Variants in CTNNA2 observed in about 807,000 individuals in gnomAD.
CTNNA2 encodes the protein catenin alpha-2.
A neutral mutation model predicts 101.0 loss-of-function variants in CTNNA2; 42 were observed. The observed-to-expected ratio is 0.42, with a 90% CI of 0.32 to 0.54. The LOEUF (loss-of-function observed/expected upper bound fraction) is 0.54, where lower values mean the gene tolerates loss of function less well. CTNNA2 is among the 20% of genes least tolerant of loss of function. The pLI is 0.14. For synonymous variants in CTNNA2, 450 were observed against 456.4 expected, an observed-to-expected ratio of 0.99 and a Z score of 0.18; for missense variants, 871 against 1,223.1, an observed-to-expected ratio of 0.71 and a Z score of 4.29.
At chr2:79,548,772 T>C (rs1355386474) in intron 1 of CTNNA2, among the ~76,000 whole-genome samples, 1 of 152,204 alleles carries the variant, frequency 6.6e-6, no homozygotes, top group African/African-American at 2.4e-5. Context: ...GTTCTGTGAA[T>C]GCAACACTCT....
rs1417316936 is a variant in CTNNA2 at position 80,387,298 on chromosome 2, A to AG, written c.1057-5912dup. On this transcript the variant is annotated intron_variant, in intron 7 of 18. Transcript: ENST00000402739. ...AGCAAGACTTTGTCTCAAAAAAAAA[A>AG]GAAATACTCATTTTCAGAGATTTAT... 7.2e-5 allele frequency among the ~76,000 whole-genome samples: 11 copies of AG among 152,232 alleles called. No homozygotes were observed. In the East Asian group the frequency reaches 1.4e-3, roughly 19 times the overall value.
At chr2:80,513,933 CA>C (rs1049664759) in intron 9 of CTNNA2, among the ~76,000 whole-genome samples, 6 of 152,094 alleles carry the variant, frequency 3.9e-5, no homozygotes, top group Admixed American at 3.9e-4. Flanking sequence ...ACTTTTCTAC[CA>C]TACAAAGTCT....
At chr2:80,116,668 A>G in intron 7 of CTNNA2, among the ~76,000 whole-genome samples, 1 of 152,168 alleles carries the variant, frequency 6.6e-6, no homozygotes, top group Non-Finnish European at 1.5e-5. Flanking sequence ...GTGTTTAGAT[A>G]TTTTAGGATG....
At chr2:79,732,347 A>G (rs934992626) in intron 2 of CTNNA2, among the ~76,000 whole-genome samples, 25 of 152,080 alleles carry the variant, frequency 1.6e-4, no homozygotes, top group South Asian at 2.1e-4. Context: ...AAATTTTTTC[A>G]TATAAAAAAT....
At chr2:80,568,396 C>T (rs1280247359) in intron 12 of CTNNA2, among the ~76,000 whole-genome samples, 1 of 152,192 alleles carries the variant, frequency 6.6e-6, no homozygotes, top group Admixed American at 6.5e-5. Flanking sequence ...TCTTATCCTT[C>T]TCTACCCAAC....
chr2:80,243,911 A>G (rs1034282050), intron 7 of CTNNA2, among the ~76,000 whole-genome samples: 1 of 152,210 alleles, frequency 6.6e-6, no homozygotes, highest in Non-Finnish European at 1.5e-5. Context: ...TGAGAGTCCC[A>G]ATTCCTCCAC....
chr2:80,524,159 A>T (rs1007533152), intron 9 of CTNNA2, among the ~76,000 whole-genome samples: 2 of 152,048 alleles, frequency 1.3e-5, no homozygotes, highest in Non-Finnish European at 2.9e-5. Context: ...GGTTTGGGAG[A>T]CAGACCATTG....
intron 1 of CTNNA2, among the ~76,000 whole-genome samples, chr2:79,616,591 C>T (rs1678636610): frequency 6.6e-6 from 1 of 152,324 alleles, no homozygotes; most frequent in South Asian, 2.1e-4. Context: ...CCTCGTCTTT[C>T]ATCCATCCAC....
intron 7 of CTNNA2, among the ~76,000 whole-genome samples, chr2:80,170,008 G>A (rs1419996510): frequency 6.6e-6 from 1 of 152,200 alleles, no homozygotes; most frequent in Non-Finnish European, 1.5e-5. Flanking sequence ...TGTTGGCACA[G>A]TGCCTAGAGG....
intron 3 of CTNNA2, among the ~76,000 whole-genome samples, chr2:79,804,952 A>G (rs1310355822): frequency 1.3e-5 from 2 of 152,204 alleles, no homozygotes; most frequent in Non-Finnish European, 2.9e-5. Flanking sequence ...GAAGAAGAGC[A>G]AGAATGAGCT....
intron 1 of CTNNA2, among the ~76,000 whole-genome samples, chr2:79,534,962 A>G (rs892617922): frequency 7.2e-5 from 11 of 151,974 alleles, no homozygotes; most frequent in African/African-American, 2.2e-4. Flanking sequence ...TTAATCTGAT[A>G]TTGAGTAGGG....
chr2:79,576,634 G>T (rs1268862479), intron 1 of CTNNA2, among the ~76,000 whole-genome samples: 1 of 152,024 alleles, frequency 6.6e-6, no homozygotes, highest in Non-Finnish European at 1.5e-5. Flanking sequence ...GGGTGTGTAT[G>T]CTTCTTGTTA....
At chr2:80,494,235 A>C (rs874028) in intron 9 of CTNNA2, among the ~76,000 whole-genome samples, 1 of 152,052 alleles carries the variant, frequency 6.6e-6, no homozygotes, top group Non-Finnish European at 1.5e-5. Flanking sequence ...AATAAACAAT[A>C]ATTTTTACAG....
chr2:80,539,671 C>T (rs1691370777), intron 9 of CTNNA2, among the ~76,000 whole-genome samples: 1 of 152,092 alleles, frequency 6.6e-6, no homozygotes, highest in Admixed American at 6.6e-5. Flanking sequence ...GAAAGACTGG[C>T]CTAGTCTTCT....
intron 7 of CTNNA2, among the ~76,000 whole-genome samples, chr2:80,062,295 C>A (rs1485493146): frequency 6.6e-6 from 1 of 152,172 alleles, no homozygotes; most frequent in Non-Finnish European, 1.5e-5. Flanking sequence ...TAGTCTTATT[C>A]TCTGCCCTTT....
chr2:80,455,619 C>G (rs1056449107), intron 9 of CTNNA2, among the ~76,000 whole-genome samples: 2 of 152,152 alleles, frequency 1.3e-5, no homozygotes, highest in Non-Finnish European at 2.9e-5. Context: ...GAGGAGTGTA[C>G]TCTCACAAAT....
intron 4 of CTNNA2, among the ~76,000 whole-genome samples, chr2:79,454,826 AC>A (rs1371264198): frequency 6.6e-6 from 1 of 152,182 alleles, no homozygotes; most frequent in African/African-American, 2.4e-5. Flanking sequence ...TTTCTATAAA[AC>A]ATTACTGCAA....
At chr2:80,140,798 C>T (rs546183534) in intron 7 of CTNNA2, among the ~76,000 whole-genome samples, 8 of 152,230 alleles carry the variant, frequency 5.3e-5, no homozygotes, top group African/African-American at 1.9e-4. Flanking sequence ...TTCTCCCAAT[C>T]CCAGCAAAAG....
chr2:80,572,225 G>C (rs1573317040), intron 12 of CTNNA2, among the ~76,000 whole-genome samples: 1 of 152,186 alleles, frequency 6.6e-6, no homozygotes, highest in Non-Finnish European at 1.5e-5. Flanking sequence ...ACATCTCATT[G>C]TTTGCATTAT....
Sources: gnomAD v4.1 joint callset for allele counts (sites outside exome capture counted in the v4.1 genomes callset) on GRCh38, gnomAD v4.1.1 for gene constraint, MANE v1.5 for transcripts, NCBI Gene and HGNC (gene_info 2026-07-23, HGNC 2026-07-21) for gene names.